SGCZ: variants seen among roughly 807,000 people sequenced by gnomAD.
SGCZ encodes the protein sarcoglycan zeta, also known as zeta-sarcoglycan.
SGCZ carries 40 observed loss-of-function variants against 41.3 expected under a neutral mutation model. The observed-to-expected ratio is 0.97, with a 90% confidence interval of 0.75 to 1.26. The LOEUF (loss-of-function observed/expected upper bound fraction) is 1.26. Among genes scored for constraint, SGCZ ranks in the 50% most tolerant of loss-of-function variants. The pLI, the probability that SGCZ is intolerant of heterozygous loss-of-function variation, is 0.00. For missense variants in SGCZ, 552 were observed against 369.8 expected, an observed-to-expected ratio of 1.49 and a Z score of -4.04; for synonymous variants, 206 against 137.5, an observed-to-expected ratio of 1.50 and a Z score of -3.49.
intron 1 of SGCZ, among the ~76,000 whole-genome samples, chr8:14,600,725 A>G (rs1267764765): frequency 6.6e-6 from 1 of 152,180 alleles, no homozygotes; most frequent in Non-Finnish European, 1.5e-5. Flanking sequence ...AAAAAAATAT[A>G]CACATGCATC....
chr8:14,473,247 C>T (rs1397495518), intron 2 of SGCZ, among the ~76,000 whole-genome samples: 1 of 152,026 alleles, frequency 6.6e-6, no homozygotes, highest in Non-Finnish European at 1.5e-5. Context: ...TCATATTTTA[C>T]TAAGGTAAAA....
chr8:15,208,485 CT>C (rs1801139113), intron 1 of SGCZ, among the ~76,000 whole-genome samples: 1 of 151,986 alleles, frequency 6.6e-6, no homozygotes, highest in African/African-American at 2.4e-5. Flanking sequence ...ATGTATTTTT[CT>C]TTTTTTCCCC....
At chr8:15,056,990 T>C (rs530319591) in intron 1 of SGCZ, among the ~76,000 whole-genome samples, 1 of 152,238 alleles carries the variant, frequency 6.6e-6, no homozygotes, top group South Asian at 2.1e-4. Flanking sequence ...TCTGCCAGAT[T>C]GCGTGCACGA....
chr8:15,189,465 C>G (rs117182093), intron 1 of SGCZ, among the ~76,000 whole-genome samples: 7,994 of 152,206 alleles, frequency 0.053, 349 homozygotes, highest in Non-Finnish European at 0.068. Context: ...GTACCCAAAT[C>G]AAGAGAGCCA....
chr8:15,129,792 T>C (rs936506474), intron 1 of SGCZ, among the ~76,000 whole-genome samples: 6 of 151,308 alleles, frequency 4.0e-5, no homozygotes, highest in Non-Finnish European at 8.8e-5. Context: ...TTGCAGGAAG[T>C]TGCCATGCTT....
At chr8:15,023,744 T>G (rs1408530479) in intron 1 of SGCZ, among the ~76,000 whole-genome samples, 1 of 151,990 alleles carries the variant, frequency 6.6e-6, no homozygotes, top group African/African-American at 2.4e-5. Flanking sequence ...CACAATAGAG[T>G]ATTGAATAGT....
intron 1 of SGCZ, among the ~76,000 whole-genome samples, chr8:14,934,303 T>A (rs141859341): frequency 6.6e-6 from 1 of 151,958 alleles, no homozygotes; most frequent in Non-Finnish European, 1.5e-5. Context: ...CTACTGTATA[T>A]AAAATATATG....
At chr8:14,117,761 T>C (rs1008679090) in intron 5 of SGCZ, among the ~76,000 whole-genome samples, 2 of 151,136 alleles carry the variant, frequency 1.3e-5, no homozygotes, top group African/African-American at 4.9e-5. Flanking sequence ...TAGGCCCCAG[T>C]GTGTGATGTT....
chr8:14,789,351 T>C (rs148314917), intron 1 of SGCZ, among the ~76,000 whole-genome samples: 1 of 152,316 alleles, frequency 6.6e-6, no homozygotes, highest in African/African-American at 2.4e-5. Flanking sequence ...TACAACATTT[T>C]AATATTAATA....
intron 3 of SGCZ, among the ~76,000 whole-genome samples, chr8:14,246,455 G>A (rs1156501850): frequency 6.6e-6 from 1 of 151,948 alleles, no homozygotes; most frequent in African/African-American, 2.4e-5. Flanking sequence ...GTGGGGTGGG[G>A]GGAGCGGGGA....
chr8:14,997,227 G>A (rs367897770), intron 1 of SGCZ, among the ~76,000 whole-genome samples: 7 of 152,146 alleles, frequency 4.6e-5, no homozygotes, highest in Non-Finnish European at 7.4e-5. Flanking sequence ...AATAGTATTC[G>A]ATTCTAGGTT....
intron 5 of SGCZ, among the ~76,000 whole-genome samples, chr8:14,119,205 T>C (rs1300969007): frequency 6.6e-6 from 1 of 152,060 alleles, no homozygotes; most frequent in East Asian, 1.9e-4. Context: ...CATGGTATGT[T>C]TTTCCATTTG....
At chr8:14,548,939 C>G (rs891253776) in intron 2 of SGCZ, among the ~76,000 whole-genome samples, 1 of 151,968 alleles carries the variant, frequency 6.6e-6, no homozygotes, top group African/African-American at 2.4e-5. Flanking sequence ...GTTGGTGAGG[C>G]TGGAAGTCTT....
chr8:14,499,620 A>T (rs532319632), intron 2 of SGCZ, among the ~76,000 whole-genome samples: 1 of 152,114 alleles, frequency 6.6e-6, no homozygotes, highest in South Asian at 2.1e-4. Context: ...ACTGACTTTC[A>T]TTTGACAGGT....
intron 2 of SGCZ, among the ~76,000 whole-genome samples, chr8:14,359,365 A>G (rs1364381797): frequency 6.6e-6 from 1 of 152,090 alleles, no homozygotes; most frequent in African/African-American, 2.4e-5. Flanking sequence ...AATCCACACT[A>G]TAGACAAAAT....
chr8:14,842,411 G>T, intron 1 of SGCZ, among the ~76,000 whole-genome samples: 1 of 148,052 alleles, frequency 6.8e-6, no homozygotes, highest in East Asian at 2.0e-4. Context: ...AGAGAAACAA[G>T]AAAGGATGGA....
At chr8:14,238,632 C>T (rs1208104518) in intron 3 of SGCZ, among the ~76,000 whole-genome samples, 1 of 152,156 alleles carries the variant, frequency 6.6e-6, no homozygotes, top group Non-Finnish European at 1.5e-5. Context: ...ACATCCAAAT[C>T]CCTACATTCT....
chr8:14,503,859 T>G lies in SGCZ; in HGVS notation c.234+50873A>C, dbSNP rs575749283. Among the ~76,000 whole-genome samples the G allele has an allele frequency of 7.9e-5, 12 of 152,292 alleles. No homozygotes were observed. The South Asian group carries it at 2.3e-3, about 29-fold the overall frequency. ...TACATTATTTCATTTATAGACTTAT[T>G]TGAAGAGATTTATAGGTAATCATTT... On this transcript the variant is annotated intron_variant, in intron 2 of 7. Transcript: ENST00000382080.
intron 3 of SGCZ, among the ~76,000 whole-genome samples, chr8:14,239,910 A>C (rs1251253248): frequency 1.0e-3 from 5 of 4,962 alleles, no homozygotes; most frequent in Non-Finnish European, 1.3e-3. Flanking sequence ...TCAAAAAAAA[A>C]AAAAAAAAAA....
Sources: allele counts gnomAD v4.1 joint callset (sites outside exome capture counted in the v4.1 genomes callset), GRCh38; gene constraint gnomAD v4.1.1; transcripts MANE v1.5; gene names NCBI Gene and HGNC (gene_info 2026-07-23, HGNC 2026-07-21).